PIGN: variants seen among roughly 807,000 people sequenced by gnomAD.
The protein encoded by PIGN is phosphatidylinositol glycan anchor biosynthesis class N, also known as GPI ethanolamine phosphate transferase 1.
A neutral mutation model predicts 125.4 loss-of-function variants in PIGN; 117 were observed. The ratio of observed to expected loss-of-function variants is 0.93; its 90% CI spans 0.80 to 1.09. The LOEUF (loss-of-function observed/expected upper bound fraction) is 1.09. PIGN is among the 50% of genes least tolerant of loss of function. The pLI is 0.00. For synonymous variants in PIGN, 392 were observed against 377.8 expected (o/e 1.04, Z -0.44); for missense variants, 1,075 against 1,094.9 (o/e 0.98, Z 0.26).
chr18:62,132,791 T>G (rs1449339014), intron 14 of PIGN, among the ~76,000 whole-genome samples: 1 of 152,250 alleles, frequency 6.6e-6, no homozygotes, highest in Admixed American at 6.5e-5. Flanking sequence ...TTTTTAAATA[T>G]TCAGTTCTTT....
At chr18:62,165,436 T>TA (rs1358865741) in intron 1 of PIGN, among the ~76,000 whole-genome samples, 5 of 152,120 alleles carry the variant, frequency 3.3e-5, no homozygotes, top group African/African-American at 1.2e-4. Context: ...GGTAAAGAGG[T>TA]AAAAAATGAC....
Position 62,122,630 on chromosome 18 carries a change from A to C in PIGN, c.1173-7991T>G, listed in dbSNP as rs117412732. ...CATAATTTAATATGGTGAAGAGAAG[A>C]CTTCTGGAATGAAAATATGTTCTCA... On this transcript the variant is annotated intron_variant, in intron 14 of 30. Coordinates refer to ENST00000640252, the MANE Select transcript of PIGN (RefSeq NM_176787.5). Among the ~76,000 whole-genome samples the C allele has an allele frequency of 9.6e-3, 1,464 of 152,252 alleles. 47 individuals are homozygous for C. The highest frequency in any genetic ancestry group is 0.068 in the East Asian group (354 of 5,180).
chr18:62,085,179 T>C (rs2033639812), intron 26 of PIGN, 30 bp downstream of exon 26: 3 of 1,234,028 alleles, frequency 2.4e-6, no homozygotes, highest in Non-Finnish European at 3.5e-6. Context: ...TTTTTAGTTA[T>C]ATATATATGC....
chr18:62,165,953 T>C (rs992244167), intron 1 of PIGN, among the ~76,000 whole-genome samples: 1 of 152,150 alleles, frequency 6.6e-6, no homozygotes, highest in African/African-American at 2.4e-5. Context: ...TTTGGGAGAA[T>C]ACTAACTTTG....
At chr18:62,113,390 T>G (rs2034961342) in intron 15 of PIGN, 74 bp from the exon 16 acceptor site, 1 of 1,127,682 alleles carries the variant, frequency 8.9e-7, no homozygotes, top group Non-Finnish European at 1.3e-6. Flanking sequence ...AAGGAAAATT[T>G]TAAATTCCTA....
intron 29 of PIGN, 59 bp downstream of exon 29, chr18:62,074,720 T>C (rs2145761817): frequency 9.1e-7 from 1 of 1,100,654 alleles, no homozygotes; most frequent in Non-Finnish European, 1.3e-6. Flanking sequence ...TATTTCTCTT[T>C]ATTAAATTAA....
In PIGN at chr18:62,091,210, T is replaced by C. The variant is rs529219440; in HGVS notation, c.2181-632A>G. ...AAAAATACAAAAAATTAGCCGGGTG[T>C]GGTGGTGTGCGCCTGCCCAGCTAAC... On this transcript the variant is annotated intron_variant, in intron 23 of 30. Transcript: ENST00000640252. Among the ~76,000 whole-genome samples, 3 of 151,952 alleles carry C rather than the reference T, an allele frequency of 2.0e-5. 1 individual carries two copies. The highest frequency in any genetic ancestry group is 6.8e-3 in the Middle Eastern group (2 of 294).
intron 14 of PIGN, among the ~76,000 whole-genome samples, chr18:62,132,529 G>A (rs532136713): frequency 4.6e-5 from 7 of 151,924 alleles, no homozygotes; most frequent in African/African-American, 1.7e-4. Context: ...CCAATTTTAT[G>A]TAACTGATAT....
intron 1 of PIGN, among the ~76,000 whole-genome samples, chr18:62,185,123 T>A (rs567154182): frequency 6.6e-6 from 1 of 152,328 alleles, no homozygotes; most frequent in East Asian, 1.9e-4. Context: ...ATATTGTATA[T>A]AAACAATCCA....
Position 62,105,549 on chromosome 18 carries a change from G to A in PIGN, c.1853C>T (p.Ser618Phe), listed in dbSNP as rs1599531404. ...MPVVGRKPDI[S>F]LVMGAGLLVL... Reference sequence around the variant, plus strand: ...AATACAATATTATTCATACACTAGAGAGATGTCTGGCTTTCGACCTACAAC... The same window carrying A: ...AATACAATATTATTCATACACTAGAAAGATGTCTGGCTTTCGACCTACAAC... The change falls in exon 20 of 31, where the codon TCT becomes TTT. Residue 618 changes from serine to phenylalanine, a missense_variant. Coordinates refer to ENST00000640252, the MANE Select transcript of PIGN (RefSeq NM_176787.5). The A allele has an allele frequency of 6.6e-7, 1 of 1,519,288 alleles. No individual in the cohort carries two copies. The highest frequency in any genetic ancestry group is 9.0e-7 in the Non-Finnish European group (1 of 1,117,110). The allele number at this position is 1,519,288 out of a possible 1,614,324, so 94.1% of individuals were successfully genotyped here.
At chr18:62,090,422 T>TAGGATAGA in intron 24 of PIGN, 54 bp downstream of exon 24, 2 of 969,414 alleles carry the variant, frequency 2.1e-6, no homozygotes, top group Middle Eastern at 5.7e-4. Flanking sequence ...AACTTCCTTA[T>TAGGATAGA]AGGATAGAGA....
At chr18:62,162,844 T>A (rs1485952504) in intron 2 of PIGN, among the ~76,000 whole-genome samples, 1 of 152,166 alleles carries the variant, frequency 6.6e-6, no homozygotes, top group African/African-American at 2.4e-5. Flanking sequence ...AAAGTAAATT[T>A]TATGTTTTTT....
At chr18:62,069,424 GGAAACAAC>G (rs1357868120) in intron 30 of PIGN, 1 of 152,112 alleles carries the variant, frequency 6.6e-6, no homozygotes, top group Non-Finnish European at 1.5e-5. Flanking sequence ...AAACAAAGGT[GGAAACAAC>G]TCTAGTATCC....
chr18:62,149,846 A>G (rs749756972), intron 7 of PIGN, among the ~76,000 whole-genome samples: 3 of 152,218 alleles, frequency 2.0e-5, no homozygotes, highest in Non-Finnish European at 4.4e-5. Flanking sequence ...GACTGCATCA[A>G]TGCTCAGCTG....
intron 1 of PIGN, among the ~76,000 whole-genome samples, chr18:62,171,359 G>A (rs1443766778): frequency 2.0e-5 from 3 of 151,948 alleles, no homozygotes; most frequent in South Asian, 2.1e-4. Flanking sequence ...CAACTGTTAC[G>A]GTGGCTTTTG....
intron 22 of PIGN, among the ~76,000 whole-genome samples, chr18:62,097,870 TG>T (rs2034275785): frequency 6.6e-6 from 1 of 151,816 alleles, no homozygotes. Flanking sequence ...GCAGATGAAG[TG>T]GGTGGGGTGG....
At chr18:62,022,036 G>A (rs968513650) in intron 23 of PIGN, among the ~76,000 whole-genome samples, 6 of 152,138 alleles carry the variant, frequency 3.9e-5, no homozygotes, top group Non-Finnish European at 7.3e-5. Flanking sequence ...GCTGCCGTCA[G>A]GCCCTGGCCA....
intron 30 of PIGN, among the ~76,000 whole-genome samples, chr18:62,068,098 C>CTTTG (rs3838901): frequency 0.34 from 50,885 of 151,114 alleles, 9,600 homozygotes; most frequent in East Asian, 0.69. Context: ...CCTCCCAGGT[C>CTTTG]TTTGTTTGTT....
intron 1 of PIGN, among the ~76,000 whole-genome samples, chr18:62,166,907 G>A (rs903651099): frequency 2.0e-5 from 3 of 152,080 alleles, no homozygotes; most frequent in African/African-American, 7.2e-5. Context: ...AGCAGGGGTG[G>A]AGGACAAAAG....
Sources: gnomAD v4.1 joint callset for allele counts (sites outside exome capture counted in the v4.1 genomes callset) on GRCh38, gnomAD v4.1.1 for gene constraint, MANE v1.5 for transcripts, NCBI Gene and HGNC (gene_info 2026-07-23, HGNC 2026-07-21) for gene names.